Variants in DCDC1 observed in about 807,000 individuals in gnomAD.
DCDC1 encodes doublecortin domain-containing protein 1.
DCDC1 carries 200 observed loss-of-function variants against 178.3 expected under a neutral mutation model. That is an observed-to-expected ratio of 1.12 (90% CI 1.00 to 1.26). DCDC1 has a LOEUF of 1.26. Ranked by LOEUF, DCDC1 falls within the 50% of genes most tolerant of loss-of-function variation. DCDC1 has a pLI of 0.00. For synonymous variants in DCDC1, 690 were observed against 604.8 expected, an observed-to-expected ratio of 1.14 and a Z score of -2.07; for missense variants, 1,983 against 1,749.2, an observed-to-expected ratio of 1.13 and a Z score of -2.38.
chr11:31,101,376 AAC>A (rs1958493627), intron 15 of DCDC1, among the ~76,000 whole-genome samples: 1 of 152,188 alleles, frequency 6.6e-6, no homozygotes, highest in Admixed American at 6.5e-5. Context: ...GAAAAAAAAA[AAC>A]ATCTTCTTTA....
At chr11:30,957,566 T>A (rs987941870) in intron 20 of DCDC1, among the ~76,000 whole-genome samples, 19 of 152,194 alleles carry the variant, frequency 1.2e-4, no homozygotes, top group Non-Finnish European at 1.5e-4. Flanking sequence ...CTGTGTTAAG[T>A]CTCTGGTAAG....
intron 8 of DCDC1, among the ~76,000 whole-genome samples, chr11:31,264,475 A>G (rs1432072392): frequency 6.6e-6 from 1 of 152,142 alleles, no homozygotes; most frequent in Admixed American, 6.6e-5. Context: ...ACAGAGTACA[A>G]TGGTTAAACG....
intron 2 of DCDC1, among the ~76,000 whole-genome samples, chr11:31,335,170 T>C (rs572476124): frequency 6.6e-6 from 1 of 152,214 alleles, no homozygotes; most frequent in South Asian, 2.1e-4. Flanking sequence ...GCTTCACTAG[T>C]AGTGAGCAAG....
At chr11:31,142,841 T>C (rs1963994929) in intron 9 of DCDC1, among the ~76,000 whole-genome samples, 1 of 150,392 alleles carries the variant, frequency 6.6e-6, no homozygotes, top group Non-Finnish European at 1.5e-5. Flanking sequence ...AAATGGTCTT[T>C]TTTTTTGTCT....
At chr11:31,250,632 A>AAAT (rs1211448818) in intron 8 of DCDC1, among the ~76,000 whole-genome samples, 1 of 151,696 alleles carries the variant, frequency 6.6e-6, no homozygotes, top group East Asian at 2.0e-4. Flanking sequence ...GAACAGGAGC[A>AAAT]GTGCTAGATG....
intron 20 of DCDC1, among the ~76,000 whole-genome samples, chr11:31,018,340 T>A (rs150299591): frequency 1.3e-5 from 2 of 152,348 alleles, no homozygotes; most frequent in East Asian, 3.9e-4. Context: ...GAAAACGTTG[T>A]CATGTTTTTA....
chr11:30,980,184 G>A (rs1950322567), intron 20 of DCDC1, among the ~76,000 whole-genome samples: 1 of 152,096 alleles, frequency 6.6e-6, no homozygotes, highest in African/African-American at 2.4e-5. Context: ...ACAGCATCTG[G>A]CATATAACTC....
chr11:31,194,424 G>A (rs1286875867), intron 9 of DCDC1, among the ~76,000 whole-genome samples: 2 of 151,896 alleles, frequency 1.3e-5, no homozygotes, highest in African/African-American at 4.8e-5. Context: ...AGAAAATATG[G>A]ACAAGGATAG....
At chr11:30,935,904 T>A (rs1947249373) in intron 21 of DCDC1, among the ~76,000 whole-genome samples, 1 of 152,200 alleles carries the variant, frequency 6.6e-6, no homozygotes, top group Non-Finnish European at 1.5e-5. Flanking sequence ...GTTCCTCAGG[T>A]GACCCATGCA....
intron 20 of DCDC1, among the ~76,000 whole-genome samples, chr11:31,023,906 T>C (rs927607614): frequency 5.9e-5 from 9 of 152,016 alleles, no homozygotes; most frequent in African/African-American, 1.9e-4. Context: ...TTCCTTTCAG[T>C]TGAATTTGGG....
At chr11:31,235,798 T>C (rs958080536) in intron 9 of DCDC1, among the ~76,000 whole-genome samples, 5 of 151,984 alleles carry the variant, frequency 3.3e-5, no homozygotes, top group Non-Finnish European at 5.9e-5. Context: ...TAAAATACCA[T>C]TTGAAACGTA....
Position 30,900,461 on chromosome 11 carries a change from T to G in DCDC1, c.4548A>C (p.Ala1516=). The G allele has an allele frequency of 6.4e-7, 1 of 1,552,938 alleles. No individual in the cohort carries two copies. Among genetic ancestry groups the G allele is most frequent in the Non-Finnish European group, 8.7e-7 (1 of 1,147,508 alleles). The change falls in exon 33 of 39, where the codon GCA becomes GCC. Residue 1516 remains alanine, a synonymous_variant. Coordinates refer to ENST00000684477, the MANE Select transcript of DCDC1 (RefSeq NM_001387274.1). The stretch of plus-strand genomic sequence containing the variant: ...CCAAACTATCGGATGTCACAGATTT[T>G]GCAAATAATCTGTTTTTCACTTTCA... ...PRMKVKNRLF[A]KSVTSDSLDG...
chr11:30,897,911 A>AC (rs1265984228), intron 34 of DCDC1, among the ~76,000 whole-genome samples: 1 of 152,196 alleles, frequency 6.6e-6, no homozygotes, highest in African/African-American at 2.4e-5. Flanking sequence ...AAACCACATT[A>AC]CCCTAGGCTT....
chr11:30,887,781 G>A (rs576762418), intron 36 of DCDC1, among the ~76,000 whole-genome samples: 6 of 152,086 alleles, frequency 3.9e-5, no homozygotes, highest in East Asian at 3.9e-4. Flanking sequence ...AGGCCAAGGC[G>A]GGGGGATCAC....
At chr11:31,027,565 T>C (rs1953324872) in intron 20 of DCDC1, among the ~76,000 whole-genome samples, 2 of 151,844 alleles carry the variant, frequency 1.3e-5, no homozygotes, top group Admixed American at 1.3e-4. Flanking sequence ...TTTTTTCTGA[T>C]CAATAAGAAT....
At chr11:30,952,172 T>G (rs952003347) in intron 21 of DCDC1, among the ~76,000 whole-genome samples, 2 of 152,186 alleles carry the variant, frequency 1.3e-5, no homozygotes, top group African/African-American at 4.8e-5. Flanking sequence ...CAGGGAGATA[T>G]AATATTTTGA....
Position 31,065,132 on chromosome 11 carries a change from T to A in DCDC1, c.2320A>T (p.Thr774Ser). Residue 774 changes from threonine to serine, a missense_variant, in exon 19 of 39, where the codon ACC becomes TCC. Physicochemically the swap from Thr to Ser is moderately conservative, Grantham distance 58 (BLOSUM62 1). Coordinates refer to ENST00000684477, the MANE Select transcript of DCDC1 (RefSeq NM_001387274.1). Reference protein sequence around the residue: ...YSKAYPQFVLTYLEELNAQVD... With the variant: ...YSKAYPQFVLSYLEELNAQVD... The stretch of plus-strand genomic sequence containing the variant: ...TGTGCATTTAGCTCCTCTAGGTAGG[T>A]CAGAACAAACTGAGGATAAGCCTGT... 1 of 762,844 alleles carries A rather than the reference T, an allele frequency of 1.3e-6. No homozygotes were observed. The highest frequency in any genetic ancestry group is 2.4e-6 in the Non-Finnish European group (1 of 416,786). 47.3% of individuals were successfully genotyped at this position (762,844 alleles called of 1,614,324 possible).
At chr11:31,301,609 A>G (rs1948121209) in intron 6 of DCDC1, among the ~76,000 whole-genome samples, 1 of 152,318 alleles carries the variant, frequency 6.6e-6, no homozygotes, top group South Asian at 2.1e-4. Flanking sequence ...TTTTTGAAAA[A>G]CAAAATATGA....
At chr11:31,175,286 TC>T (rs910719747) in intron 9 of DCDC1, among the ~76,000 whole-genome samples, 45 of 152,294 alleles carry the variant, frequency 3.0e-4, no homozygotes, top group African/African-American at 1.1e-3. Context: ...CAACCAGTGT[TC>T]CTGGCTGTGC....
Sources: allele counts gnomAD v4.1 joint callset (sites outside exome capture counted in the v4.1 genomes callset), GRCh38; gene constraint gnomAD v4.1.1; transcripts MANE v1.5; gene names NCBI Gene and HGNC (gene_info 2026-07-23, HGNC 2026-07-21).